ANKS1B: variants seen among roughly 807,000 people sequenced by gnomAD.
ANKS1B encodes the protein ankyrin repeat and sterile alpha motif domain containing 1B.
Under a neutral mutation model 148.3 loss-of-function variants are expected in ANKS1B, and 36 were observed. That is an observed-to-expected ratio of 0.24 (90% CI 0.19 to 0.32). ANKS1B has a LOEUF of 0.32. Ranked by LOEUF, ANKS1B falls within the 10% of genes least tolerant of loss-of-function variation. The pLI, the probability that ANKS1B is intolerant of heterozygous loss-of-function variation, is 1.00. For synonymous variants in ANKS1B, 542 were observed against 560.8 expected (o/e 0.97, Z 0.47); for missense variants, 1,157 against 1,542.6 (o/e 0.75, Z 4.19).
At chr12:99,707,475 C>A (rs746044099) in intron 8 of ANKS1B, among the ~76,000 whole-genome samples, 3 of 152,030 alleles carry the variant, frequency 2.0e-5, no homozygotes, top group Non-Finnish European at 4.4e-5. Context: ...TAGAAATCTT[C>A]TATTTAATAA....
rs371760822 is a variant in ANKS1B at position 99,665,968 on chromosome 12, T to C, written c.1129-10758A>G. The stretch of plus-strand genomic sequence containing the variant: ...CTTTTACATTTTGATCTTTGTTCTA[T>C]ATTGAGTTAATTTTCATGTACAGCA... On this transcript the variant is annotated intron_variant, in intron 8 of 26. Transcript: ENST00000683438. Among the ~76,000 whole-genome samples, 5 of 152,326 alleles carry C rather than the reference T, an allele frequency of 3.3e-5. No individual in the cohort carries two copies. The South Asian group carries it at 6.2e-4, about 19-fold the overall frequency.
chr12:99,812,574 GAGAA>G (rs1247658208), intron 2 of ANKS1B, among the ~76,000 whole-genome samples: 3 of 147,208 alleles, frequency 2.0e-5, no homozygotes, highest in Admixed American at 1.4e-4. Flanking sequence ...GAGAGAGAGA[GAGAA>G]AGAGAGCGAG....
At chr12:99,190,213 A>T (rs951960276) in intron 14 of ANKS1B, among the ~76,000 whole-genome samples, 1 of 152,230 alleles carries the variant, frequency 6.6e-6, no homozygotes, top group Non-Finnish European at 1.5e-5. Flanking sequence ...ATGGAAAAAC[A>T]TTCCATGCTC....
intron 9 of ANKS1B, among the ~76,000 whole-genome samples, chr12:99,519,572 G>T (rs1229369142): frequency 6.6e-6 from 1 of 151,980 alleles, no homozygotes; most frequent in Non-Finnish European, 1.5e-5. Context: ...CCAGTGGCTT[G>T]GAATATCTTT....
chr12:99,161,848 A>G (rs1045950196), intron 14 of ANKS1B, among the ~76,000 whole-genome samples: 11 of 152,204 alleles, frequency 7.2e-5, no homozygotes, highest in Admixed American at 5.9e-4. Context: ...AATGAGATAG[A>G]CAACAGAAAG....
intron 9 of ANKS1B, among the ~76,000 whole-genome samples, chr12:99,505,294 C>T (rs900285874): frequency 2.0e-5 from 3 of 151,984 alleles, no homozygotes; most frequent in Non-Finnish European, 2.9e-5. Flanking sequence ...AGACCCAGGG[C>T]CAGTTTCTCC....
chr12:98,737,507 A>G (rs1028475611), intron 9 of ANKS1B, among the ~76,000 whole-genome samples: 1 of 152,172 alleles, frequency 6.6e-6, no homozygotes, highest in Non-Finnish European at 1.5e-5. Flanking sequence ...AAGCTCCTTG[A>G]AAGCCAGGAC....
intron 9 of ANKS1B, among the ~76,000 whole-genome samples, chr12:99,599,903 G>A (rs926830399): frequency 6.6e-6 from 1 of 150,990 alleles, no homozygotes; most frequent in East Asian, 1.9e-4. Flanking sequence ...TAGAGATCTA[G>A]ATTTAGGAAT....
At position 98,808,756 on chromosome 12, in the gene ANKS1B, C is replaced by A. The variant is rs558842171; in HGVS notation, c.3067-838G>T. On this transcript the variant is annotated intron_variant, in intron 19 of 26. Coordinates refer to ENST00000683438, the MANE Select transcript of ANKS1B (RefSeq NM_001352186.2). ...AGACCGACTGAGCTCTTGGCTTGAC[C>A]CATCCCAAGTTCTGTTCCCGAATTT... Among the ~76,000 whole-genome samples the A allele has an allele frequency of 2.0e-5, 3 of 152,264 alleles. No individual in the cohort carries two copies. In the East Asian group the frequency reaches 5.8e-4, roughly 29 times the overall value.
intron 1 of ANKS1B, among the ~76,000 whole-genome samples, chr12:99,940,137 C>T (rs1171967942): frequency 6.6e-6 from 1 of 152,140 alleles, no homozygotes; most frequent in East Asian, 1.9e-4. Context: ...AAAGAATACA[C>T]ATTTACTCTA....
chr12:98,989,983 G>T (rs2099925614), intron 17 of ANKS1B, among the ~76,000 whole-genome samples: 1 of 150,058 alleles, frequency 6.7e-6, no homozygotes, highest in African/African-American at 2.5e-5. Flanking sequence ...AAAGGAGGGA[G>T]GGAGGAAGGA....
intron 17 of ANKS1B, among the ~76,000 whole-genome samples, chr12:98,995,730 C>T (rs181670435): frequency 2.0e-5 from 3 of 152,266 alleles, no homozygotes; most frequent in South Asian, 2.1e-4. Flanking sequence ...GTGATCCCTG[C>T]GAGGAACCAT....
At chr12:98,954,722 C>A (rs925393307) in intron 17 of ANKS1B, among the ~76,000 whole-genome samples, 3 of 152,190 alleles carry the variant, frequency 2.0e-5, no homozygotes, top group Non-Finnish European at 4.4e-5. Context: ...TATTCTTCCA[C>A]TAGCCTAGGT....
At chr12:98,954,214 C>T (rs2099858722) in intron 17 of ANKS1B, 1 of 152,242 alleles carries the variant, frequency 6.6e-6, no homozygotes, top group African/African-American at 2.4e-5. Flanking sequence ...CTTATCTGCA[C>T]TCCTCAAGAT....
intron 11 of ANKS1B, among the ~76,000 whole-genome samples, chr12:99,425,016 T>A (rs1017090654): frequency 6.6e-6 from 1 of 152,014 alleles, no homozygotes; most frequent in Non-Finnish European, 1.5e-5. Context: ...TTCCTTTTTA[T>A]GTCTATAAAT....
chr12:99,062,509 G>A (rs1227844415), intron 16 of ANKS1B, among the ~76,000 whole-genome samples: 1 of 152,102 alleles, frequency 6.6e-6, no homozygotes, highest in Non-Finnish European at 1.5e-5. Flanking sequence ...AAAGAAATGG[G>A]GGAAATAAGA....
chr12:99,903,757 G>A (rs944741613), intron 1 of ANKS1B, among the ~76,000 whole-genome samples: 39 of 151,132 alleles, frequency 2.6e-4, no homozygotes, highest in African/African-American at 8.9e-4. Flanking sequence ...GAGGGGGGGA[G>A]AGGGATAAAA....
At chr12:99,585,424 C>T (rs2097623454) in intron 9 of ANKS1B, among the ~76,000 whole-genome samples, 1 of 152,214 alleles carries the variant, frequency 6.6e-6, no homozygotes, top group Admixed American at 6.5e-5. Flanking sequence ...GCTACTTTCA[C>T]AGGCCAGCAT....
intron 12 of ANKS1B, among the ~76,000 whole-genome samples, chr12:99,338,873 T>A (rs2089435197): frequency 6.6e-6 from 1 of 152,094 alleles, no homozygotes. Flanking sequence ...CCTAAGACCT[T>A]ATTTGACTGT....
Sources: gnomAD v4.1 joint callset for allele counts (sites outside exome capture counted in the v4.1 genomes callset) on GRCh38, gnomAD v4.1.1 for gene constraint, MANE v1.5 for transcripts, NCBI Gene and HGNC (gene_info 2026-07-23, HGNC 2026-07-21) for gene names.